Variants in ARHGAP24 observed in about 807,000 individuals in gnomAD.
ARHGAP24 encodes rho GTPase-activating protein 24.
In ARHGAP24, 50 loss-of-function variants were observed where a neutral mutation model predicts 76.4. The observed-to-expected ratio is 0.65, with a 90% confidence interval of 0.52 to 0.83. The LOEUF is 0.83. Ranked by LOEUF, ARHGAP24 falls within the 40% of genes least tolerant of loss-of-function variation. The pLI is 0.00. For synonymous variants in ARHGAP24, 345 were observed against 323.3 expected (o/e 1.07, Z -0.72); for missense variants, 930 against 914.2 (o/e 1.02, Z -0.22).
At chr4:85,514,011 C>G (rs866583468) in intron 1 of ARHGAP24, among the ~76,000 whole-genome samples, 4 of 152,194 alleles carry the variant, frequency 2.6e-5, no homozygotes, top group African/African-American at 7.2e-5. Flanking sequence ...TGTTTTCTGT[C>G]TCTGGAAATT....
At chr4:85,840,036 T>G (rs1730514741) in intron 3 of ARHGAP24, among the ~76,000 whole-genome samples, 1 of 139,366 alleles carries the variant, frequency 7.2e-6, no homozygotes, top group East Asian at 2.1e-4. Context: ...TTTTTTTTTT[T>G]TTGTATTTTT....
At chr4:85,612,422 C>T (rs911761930) in intron 2 of ARHGAP24, among the ~76,000 whole-genome samples, 7 of 89,784 alleles carry the variant, frequency 7.8e-5, no homozygotes, top group Non-Finnish European at 1.6e-4. Context: ...CCAGCCTGGG[C>T]AACAGAGCAA....
intron 2 of ARHGAP24, among the ~76,000 whole-genome samples, chr4:85,653,039 T>C (rs72613144): frequency 0.27 from 41,481 of 152,034 alleles, 7,555 homozygotes; most frequent in East Asian, 0.84. Flanking sequence ...TAAATGTATG[T>C]TAATAAAATG....
intron 2 of ARHGAP24, among the ~76,000 whole-genome samples, chr4:85,699,585 G>C (rs1261236769): frequency 6.6e-6 from 1 of 151,974 alleles, no homozygotes; most frequent in African/African-American, 2.4e-5. Flanking sequence ...CTGGGCAACA[G>C]AGCAAGACCC....
intron 1 of ARHGAP24, among the ~76,000 whole-genome samples, chr4:85,508,533 G>C (rs924511609): frequency 4.6e-5 from 7 of 152,140 alleles, no homozygotes; most frequent in African/African-American, 7.2e-5. Flanking sequence ...CCAGCCAAAA[G>C]AGAAACACAA....
intron 8 of ARHGAP24, among the ~76,000 whole-genome samples, chr4:85,993,527 G>A (rs2148869717): frequency 6.6e-6 from 1 of 152,220 alleles, no homozygotes; most frequent in South Asian, 2.1e-4. Context: ...ATATTTCCCA[G>A]GTGTCACCGG....
At chr4:85,962,661 A>G (rs1198603631) in intron 5 of ARHGAP24, among the ~76,000 whole-genome samples, 3 of 151,858 alleles carry the variant, frequency 2.0e-5, no homozygotes, top group Non-Finnish European at 4.4e-5. Context: ...CTTAGTATTT[A>G]TGTTATACTT....
At chr4:85,623,824 T>C (rs1436343537) in intron 2 of ARHGAP24, among the ~76,000 whole-genome samples, 1 of 151,328 alleles carries the variant, frequency 6.6e-6, no homozygotes, top group African/African-American at 2.4e-5. Flanking sequence ...GTAAGTTGGA[T>C]TCCTAGGTAT....
At chr4:85,718,764 T>C (rs187416615) in intron 2 of ARHGAP24, among the ~76,000 whole-genome samples, 9 of 152,330 alleles carry the variant, frequency 5.9e-5, no homozygotes, top group Admixed American at 5.2e-4. Context: ...ATAAAATTTA[T>C]ATAATGTCAA....
In ARHGAP24 at chr4:85,583,681, G is replaced by T. The variant is rs546501384; in HGVS notation, c.180+12960G>T. On this transcript the variant is annotated intron_variant, in intron 2 of 9. Transcript: ENST00000395184. ...TCCTACAAAATGGGAGAAAATTTTC[G>T]CAACCTACTCATCTGACAAAGGGCT... is the stretch of plus-strand genomic sequence containing the variant. 8.9e-4 allele frequency among the ~76,000 whole-genome samples: 133 copies of T among 150,018 alleles called. 1 individual carries two copies. Among genetic ancestry groups the T allele is most frequent in the Non-Finnish European group, 1.7e-3 (112 of 67,648 alleles).
intron 2 of ARHGAP24, among the ~76,000 whole-genome samples, chr4:85,720,294 G>A (rs538440954): frequency 4.6e-5 from 7 of 152,178 alleles, no homozygotes; most frequent in African/African-American, 1.7e-4. Flanking sequence ...AAAGATGTCA[G>A]AATATTCTGG....
chr4:85,888,369 C>G (rs1231008890), intron 3 of ARHGAP24, among the ~76,000 whole-genome samples: 1 of 141,306 alleles, frequency 7.1e-6, no homozygotes. Context: ...CACTGCACTC[C>G]AGCCTGGGCA....
chr4:85,591,829 A>G (rs1728123322), intron 2 of ARHGAP24, among the ~76,000 whole-genome samples: 1 of 152,162 alleles, frequency 6.6e-6, no homozygotes, highest in Admixed American at 6.6e-5. Context: ...ATGAGATGCT[A>G]TGTATGAAGC....
rs770723950 is a variant in ARHGAP24, at chr4:85,662,275, GA to G, written c.181-59609del. 3.9e-5 allele frequency among the ~76,000 whole-genome samples: 6 copies of G among 152,104 alleles called. No individual in the cohort carries two copies. The East Asian group carries it at 7.7e-4, about 20-fold the overall frequency. On this transcript the variant is annotated intron_variant, in intron 2 of 9. Transcript: ENST00000395184. ...CATTTCTCTGATGGCCAGTGATGGT[GA>G]GCATTTTTTCATGTGTTTTTTGGCT...
At chr4:85,523,514 G>A (rs1053060481) in intron 1 of ARHGAP24, among the ~76,000 whole-genome samples, 1 of 152,132 alleles carries the variant, frequency 6.6e-6, no homozygotes, top group African/African-American at 2.4e-5. Context: ...AAATATAAAT[G>A]TTTATTATTT....
At chr4:85,889,763 G>T (rs1264061390) in intron 3 of ARHGAP24, among the ~76,000 whole-genome samples, 1 of 152,046 alleles carries the variant, frequency 6.6e-6, no homozygotes, top group Non-Finnish European at 1.5e-5. Context: ...TATAAATAAT[G>T]CCCTGCTTCC....
intron 1 of ARHGAP24, among the ~76,000 whole-genome samples, chr4:85,508,758 A>G (rs954807013): frequency 5.3e-5 from 8 of 152,094 alleles, no homozygotes; most frequent in Admixed American, 3.3e-4. Flanking sequence ...ACGGATCTAC[A>G]TTGGTGTCCT....
At chr4:85,970,110 G>A (rs1275091361) in intron 5 of ARHGAP24, among the ~76,000 whole-genome samples, 1 of 152,160 alleles carries the variant, frequency 6.6e-6, no homozygotes, top group Non-Finnish European at 1.5e-5. Context: ...TTACCCTGAA[G>A]GAGGTGAAGT....
intron 2 of ARHGAP24, among the ~76,000 whole-genome samples, chr4:85,706,627 G>A (rs933530716): frequency 5.9e-5 from 9 of 151,340 alleles, no homozygotes; most frequent in African/African-American, 1.5e-4. Flanking sequence ...GTGCAGTGGC[G>A]TGATCTCAGC....
Sources: allele counts gnomAD v4.1 joint callset (sites outside exome capture counted in the v4.1 genomes callset), GRCh38; gene constraint gnomAD v4.1.1; transcripts MANE v1.5; gene names NCBI Gene and HGNC (gene_info 2026-07-23, HGNC 2026-07-21).